ANK3: variants seen among roughly 807,000 people sequenced by gnomAD.
ANK3 encodes the protein ankyrin-3.
ANK3 carries 57 observed loss-of-function variants against 370.9 expected under a neutral mutation model. The observed-to-expected ratio is 0.15, with a 90% CI of 0.12 to 0.19. The LOEUF (loss-of-function observed/expected upper bound fraction) is 0.19. Among genes scored for constraint, ANK3 ranks in the 10% least tolerant of loss-of-function variants. ANK3 has a pLI of 1.00. For synonymous variants in ANK3, 1,929 were observed against 1,946.3 expected (o/e 0.99, Z 0.23); for missense variants, 4,439 against 5,302.1 (o/e 0.84, Z 5.06).
rs1160071371 is a variant in ANK3, at chr10:60,642,224, T to C, written c.58-27000A>G. On this transcript the variant is annotated intron_variant, in intron 1 of 43. Coordinates refer to the ANK3 transcript ENST00000373827. ...TCAACCATTGTGGAAGTCAGTGTGGTGATTCCTCAGGGATCTAGAACTAGA... is the reference window on the plus strand; with the variant it reads ...TCAACCATTGTGGAAGTCAGTGTGGCGATTCCTCAGGGATCTAGAACTAGA... 3.1e-3 allele frequency among the ~76,000 whole-genome samples: 461 copies of C among 151,122 alleles called. 3 individuals carry two copies. Among genetic ancestry groups the C allele is most frequent in the Non-Finnish European group, 4.1e-3 (278 of 67,686 alleles).
At chr10:60,172,044 T>C (rs538005303) in intron 21 of ANK3, among the ~76,000 whole-genome samples, 3 of 152,294 alleles carry the variant, frequency 2.0e-5, no homozygotes, top group Non-Finnish European at 4.4e-5. Context: ...AGCAAACAAA[T>C]AAATAAATAC....
chr10:60,140,684 T>C (rs1005596377), intron 23 of ANK3: 1 of 1,271,912 alleles, frequency 7.9e-7, no homozygotes, highest in Admixed American at 3.8e-5. Flanking sequence ...CTCCTTCTGA[T>C]TGGATTAAAA....
intron 2 of ANK3, among the ~76,000 whole-genome samples, chr10:60,496,538 G>T (rs762588049): frequency 5.3e-5 from 8 of 150,576 alleles, no homozygotes; most frequent in Admixed American, 1.3e-4. Flanking sequence ...GTCTCTGGGG[G>T]AATTTAATCT....
At chr10:60,213,335 ATG>A (rs1266404991) in intron 9 of ANK3, 75 bp downstream of exon 9, 14 of 954,256 alleles carry the variant, frequency 1.5e-5, no homozygotes, top group Non-Finnish European at 2.3e-5. Flanking sequence ...GTCATTTTCT[ATG>A]TGATTCAAAA....
chr10:60,164,492 GA>G (rs72346571), intron 23 of ANK3, among the ~76,000 whole-genome samples: 15,109 of 125,406 alleles, frequency 0.12, 1,018 homozygotes, highest in East Asian at 0.26. Context: ...TGATATACCT[GA>G]AAAAAAAAAA....
intron 2 of ANK3, among the ~76,000 whole-genome samples, chr10:60,496,963 C>A (rs2133133715): frequency 1.3e-5 from 2 of 152,170 alleles, no homozygotes; most frequent in South Asian, 4.2e-4. Flanking sequence ...TTGCAGAAAG[C>A]ATTTATTTTT....
At chr10:60,524,613 A>G (rs950976650) in intron 2 of ANK3, among the ~76,000 whole-genome samples, 1 of 152,124 alleles carries the variant, frequency 6.6e-6, no homozygotes, top group Non-Finnish European at 1.5e-5. Flanking sequence ...CTCCTCAGCC[A>G]TGTGGAACTG....
chr10:60,229,200 T>C (rs1275103208), intron 8 of ANK3, among the ~76,000 whole-genome samples: 1 of 152,134 alleles, frequency 6.6e-6, no homozygotes, highest in Non-Finnish European at 1.5e-5. Flanking sequence ...TTTTTTGACA[T>C]AAAAATGAAA....
intron 2 of ANK3, among the ~76,000 whole-genome samples, chr10:60,501,810 C>CA (rs1018625259): frequency 3.3e-5 from 5 of 150,562 alleles, no homozygotes; most frequent in East Asian, 2.0e-4. Flanking sequence ...CCCAAGTCTA[C>CA]AAAAAAAAGG....
At chr10:60,561,247 G>A (rs186558384) in intron 2 of ANK3, among the ~76,000 whole-genome samples, 1 of 152,170 alleles carries the variant, frequency 6.6e-6, no homozygotes, top group Non-Finnish European at 1.5e-5. Flanking sequence ...GTATTCCAAG[G>A]TAATATTTCA....
chr10:60,297,377 AT>A (rs2042765011), intron 1 of ANK3, among the ~76,000 whole-genome samples: 1 of 152,192 alleles, frequency 6.6e-6, no homozygotes, highest in African/African-American at 2.4e-5. Context: ...AAATAAAAGA[AT>A]TAAATTCCTT....
At chr10:60,710,151 T>C (rs1371472861) in intron 1 of ANK3, among the ~76,000 whole-genome samples, 1 of 152,172 alleles carries the variant, frequency 6.6e-6, no homozygotes, top group East Asian at 1.9e-4. Context: ...ATAAGAACTA[T>C]AAGAGAGCAC....
At chr10:60,235,638 C>T (rs1282155610) in intron 7 of ANK3, among the ~76,000 whole-genome samples, 4 of 147,584 alleles carry the variant, frequency 2.7e-5, no homozygotes, top group East Asian at 2.0e-4. Flanking sequence ...CGAGCTCCAA[C>T]GATCCTCTCG....
chr10:60,576,940 G>A (rs556604588), intron 2 of ANK3, among the ~76,000 whole-genome samples: 1 of 152,318 alleles, frequency 6.6e-6, no homozygotes, highest in Admixed American at 6.5e-5. Flanking sequence ...GTATCTCCCA[G>A]AGAATGTCAA....
chr10:60,092,841 T>G (rs982061753), intron 28 of ANK3, among the ~76,000 whole-genome samples: 4 of 152,206 alleles, frequency 2.6e-5, no homozygotes, highest in Non-Finnish European at 5.9e-5. Flanking sequence ...GCTCAAGCAA[T>G]TCTTCTGTCT....
chr10:60,077,775 T>C (rs2084170329), intron 36 of ANK3, among the ~76,000 whole-genome samples: 1 of 152,328 alleles, frequency 6.6e-6, no homozygotes, highest in Non-Finnish European at 1.5e-5. Flanking sequence ...GGTGTGTGTA[T>C]ATATGTTTAT....
intron 2 of ANK3, among the ~76,000 whole-genome samples, chr10:60,550,846 C>A (rs2077073132): frequency 6.6e-6 from 1 of 151,946 alleles, no homozygotes; most frequent in Non-Finnish European, 1.5e-5. Flanking sequence ...TTTACTCATA[C>A]ACTAGATTTT....
intron 1 of ANK3, among the ~76,000 whole-genome samples, chr10:60,323,618 C>T (rs1445619666): frequency 6.6e-6 from 1 of 151,998 alleles, no homozygotes; most frequent in Non-Finnish European, 1.5e-5. Flanking sequence ...AATATATTGC[C>T]AGGTTTTTTA....
At chr10:60,178,585 G>T (rs2096049136) in intron 18 of ANK3, among the ~76,000 whole-genome samples, 1 of 152,152 alleles carries the variant, frequency 6.6e-6, no homozygotes, top group Admixed American at 6.5e-5. Context: ...TCTAAACTAT[G>T]AATTCTATGA....
Sources: allele counts gnomAD v4.1 joint callset (sites outside exome capture counted in the v4.1 genomes callset), GRCh38; gene constraint gnomAD v4.1.1; transcripts MANE v1.5; gene names NCBI Gene and HGNC (gene_info 2026-07-23, HGNC 2026-07-21).